TBCA: variants seen among roughly 807,000 people sequenced by gnomAD.
The protein encoded by TBCA is tubulin-specific chaperone A.
In TBCA, 6 loss-of-function variants were observed where a neutral mutation model predicts 15.8. That is an observed-to-expected ratio of 0.38 (90% CI 0.21 to 0.75). The LOEUF is 0.75. TBCA is among the 30% of genes least tolerant of loss of function. TBCA has a pLI of 0.46. For missense variants in TBCA, 90 were observed against 131.2 expected (o/e 0.69, Z 1.53); for synonymous variants, 32 against 42.3 (o/e 0.76, Z 0.94).
intron 1 of TBCA, among the ~76,000 whole-genome samples, chr5:77,772,197 C>A (rs1747931215): frequency 6.6e-6 from 1 of 151,880 alleles, no homozygotes; most frequent in Admixed American, 6.6e-5. Flanking sequence ...AAAAGCATAT[C>A]TTTTAGACCC....
chr5:77,746,679 A>G (rs1747193888), intron 1 of TBCA, among the ~76,000 whole-genome samples: 1 of 152,112 alleles, frequency 6.6e-6, no homozygotes, highest in Non-Finnish European at 1.5e-5. Context: ...ACAATAGAAA[A>G]CCACTTTGTG....
chr5:77,756,470 C>A (rs888221631), intron 1 of TBCA, among the ~76,000 whole-genome samples: 2 of 150,396 alleles, frequency 1.3e-5, no homozygotes, highest in African/African-American at 5.0e-5. Flanking sequence ...GAAACACAAT[C>A]TCTCATTTAT....
At chr5:77,755,742 C>G (rs1747458400) in intron 1 of TBCA, among the ~76,000 whole-genome samples, 1 of 152,136 alleles carries the variant, frequency 6.6e-6, no homozygotes, top group South Asian at 2.1e-4. Flanking sequence ...CAGGGGCTCA[C>G]ACCTGTAATC....
At chr5:77,741,667 A>C (rs1024232665) in intron 1 of TBCA, among the ~76,000 whole-genome samples, 46 of 152,206 alleles carry the variant, frequency 3.0e-4, no homozygotes, top group African/African-American at 1.1e-3. Flanking sequence ...AGTCAGAGGA[A>C]ACCGAATATT....
intron 1 of TBCA, among the ~76,000 whole-genome samples, chr5:77,744,742 G>A (rs1195326931): frequency 6.6e-6 from 1 of 151,856 alleles, no homozygotes; most frequent in Non-Finnish European, 1.5e-5. Flanking sequence ...CACCATGTTG[G>A]CCAGGCTGGT....
At chr5:77,760,711 G>A (rs927986567) in intron 1 of TBCA, among the ~76,000 whole-genome samples, 6 of 152,166 alleles carry the variant, frequency 3.9e-5, no homozygotes, top group Non-Finnish European at 7.3e-5. Flanking sequence ...ACGGAGTCTC[G>A]CTCACTCAGT....
At chr5:77,760,440 C>A (rs1292430608) in intron 1 of TBCA, among the ~76,000 whole-genome samples, 1 of 151,464 alleles carries the variant, frequency 6.6e-6, no homozygotes, top group Non-Finnish European at 1.5e-5. Context: ...TCCTTTCTTT[C>A]TTTCGACAGT....
At chr5:77,699,288 T>C (rs1194331716) in intron 2 of TBCA, among the ~76,000 whole-genome samples, 1 of 151,748 alleles carries the variant, frequency 6.6e-6, no homozygotes, top group Non-Finnish European at 1.5e-5. Flanking sequence ...CAAAACAAAC[T>C]AGAAAAGCTA....
At chr5:77,708,559 C>T (rs1275177118) in intron 1 of TBCA, 12 of 334,444 alleles carry the variant, frequency 3.6e-5, no homozygotes, top group African/African-American at 6.4e-5. Flanking sequence ...TAAGTGCAAT[C>T]TATCAAAGCA....
chr5:77,761,608 C>T (rs892778368), intron 1 of TBCA, among the ~76,000 whole-genome samples: 5 of 151,780 alleles, frequency 3.3e-5, no homozygotes, highest in East Asian at 1.9e-4. Context: ...TCCCCCTCTC[C>T]GAGAAACACC....
chr5:77,691,405 T>A lies in TBCA; in HGVS notation c.*13A>T, dbSNP rs1010503224. 1 of 1,590,432 alleles carries A rather than the reference T, an allele frequency of 6.3e-7. No homozygotes were observed. Among genetic ancestry groups the A allele is most frequent in the Non-Finnish European group, 8.5e-7 (1 of 1,171,266 alleles). On this transcript the variant is annotated 3_prime_UTR_variant, in exon 4 of 4. Coordinates refer to ENST00000380377, the MANE Select transcript of TBCA (RefSeq NM_004607.3). ...AGGATTTAATGCAAAAACCACCCCATACGAGAAAAGTTTCAGGCTTCTAAC... is the reference window on the plus strand; with the variant it reads ...AGGATTTAATGCAAAAACCACCCCAAACGAGAAAAGTTTCAGGCTTCTAAC...
chr5:77,756,810 A>G (rs1194215004), intron 1 of TBCA, among the ~76,000 whole-genome samples: 2 of 149,806 alleles, frequency 1.3e-5, no homozygotes, highest in Non-Finnish European at 1.5e-5. Flanking sequence ...GCAGAGCGTT[A>G]GACCTAAGAA....
intron 1 of TBCA, among the ~76,000 whole-genome samples, chr5:77,755,302 G>A (rs571059157): frequency 2.0e-5 from 3 of 152,342 alleles, no homozygotes; most frequent in Admixed American, 2.0e-4. Context: ...CAAGAGGCCA[G>A]GCACGGTGGC....
chr5:77,774,818 G>A (rs1170165848), intron 1 of TBCA, among the ~76,000 whole-genome samples: 3 of 151,964 alleles, frequency 2.0e-5, no homozygotes, highest in African/African-American at 7.3e-5. Context: ...TGGTTTACAG[G>A]AATTTAAGCA....
intron 1 of TBCA, among the ~76,000 whole-genome samples, chr5:77,759,373 T>C (rs1024711017): frequency 7.2e-5 from 11 of 152,176 alleles, no homozygotes; most frequent in African/African-American, 2.7e-4. Context: ...AATTGTTTCT[T>C]ATCAGATTTA....
intron 2 of TBCA, among the ~76,000 whole-genome samples, chr5:77,697,421 C>A (rs974873562): frequency 2.4e-4 from 37 of 152,072 alleles, no homozygotes; most frequent in African/African-American, 8.5e-4. Context: ...GAACTGAAAT[C>A]CTACATAATA....
chr5:77,776,104 G>A (rs1452835416), intron 1 of TBCA, 101 bp downstream of exon 1: 2 of 1,453,904 alleles, frequency 1.4e-6, no homozygotes, highest in Admixed American at 4.0e-5. Context: ...CTGGAGTTCG[G>A]AGCCCGCCTC....
intron 1 of TBCA, among the ~76,000 whole-genome samples, chr5:77,770,741 A>AAC (rs1747887621): frequency 1.3e-5 from 2 of 151,382 alleles, no homozygotes; most frequent in Admixed American, 6.6e-5. Context: ...AAAAAAAAGA[A>AAC]AAAAAACAAA....
At chr5:77,729,983 T>C (rs1014914988) in intron 1 of TBCA, among the ~76,000 whole-genome samples, 12 of 152,242 alleles carry the variant, frequency 7.9e-5, no homozygotes, top group African/African-American at 2.7e-4. Flanking sequence ...GATACTTTAA[T>C]ATATTCCTAA....
Sources: allele counts gnomAD v4.1 joint callset (sites outside exome capture counted in the v4.1 genomes callset), GRCh38; gene constraint gnomAD v4.1.1; transcripts MANE v1.5; gene names NCBI Gene and HGNC (gene_info 2026-07-23, HGNC 2026-07-21).